The following SAMD5 variants were observed in gnomAD, a reference collection of about 807,000 sequenced individuals.
SAMD5 encodes sterile alpha motif domain-containing protein 5.
Under a neutral mutation model 11.3 loss-of-function variants are expected in SAMD5, and 13 were observed. The ratio of observed to expected loss-of-function variants is 1.15; its 90% CI spans 0.75 to 1.83. The LOEUF (loss-of-function observed/expected upper bound fraction) is 1.83. Among genes scored for constraint, SAMD5 ranks in the 40% most tolerant of loss-of-function variants. The pLI, the probability that SAMD5 is intolerant of heterozygous loss-of-function variation, is 0.00. For synonymous variants in SAMD5, 129 were observed against 111.3 expected, an observed-to-expected ratio of 1.16 and a Z score of -1.00; for missense variants, 255 against 239.1, an observed-to-expected ratio of 1.07 and a Z score of -0.44.
At chr6:147,722,646 A>G (rs943539575) in intron 1 of SAMD5, among the ~76,000 whole-genome samples, 3 of 152,220 alleles carry the variant, frequency 2.0e-5, no homozygotes, top group Non-Finnish European at 4.4e-5. Context: ...GTTATTGGCT[A>G]ATAGGCCTCT....
At chr6:147,803,526 C>T in the SAMD5 span, among the ~76,000 whole-genome samples, 2 of 152,134 alleles carry the variant, frequency 1.3e-5, no homozygotes, top group African/African-American at 4.8e-5. Flanking sequence ...TCCCACTGTC[C>T]ACATGCCCAT....
At chr6:147,580,559 G>T (rs747854347) in intron 1 of SAMD5, among the ~76,000 whole-genome samples, 6 of 152,216 alleles carry the variant, frequency 3.9e-5, no homozygotes, top group Non-Finnish European at 7.3e-5. Flanking sequence ...CACTGGGGTA[G>T]CCCCTAGCTA....
At chr6:147,624,020 C>T (rs966956269) in intron 1 of SAMD5, among the ~76,000 whole-genome samples, 22 of 152,108 alleles carry the variant, frequency 1.4e-4, no homozygotes, top group Non-Finnish European at 2.8e-4. Context: ...CAGGCGTGTG[C>T]CACCACGCCC....
the SAMD5 span, among the ~76,000 whole-genome samples, chr6:147,946,319 G>T: frequency 2.6e-5 from 4 of 152,192 alleles, no homozygotes; most frequent in Non-Finnish European, 5.9e-5. Flanking sequence ...AGGGACATGA[G>T]TGTTGTTTTT....
chr6:147,547,131 C>A lies in SAMD5; in HGVS notation c.460-17263C>A, dbSNP rs543044772. ...GCACATTCTGAAGGTGGGAAAGAGTCATTATTTAGCTGTTTAACAGAACAC... is the reference window on the plus strand; with the variant it reads ...GCACATTCTGAAGGTGGGAAAGAGTAATTATTTAGCTGTTTAACAGAACAC... On this transcript the variant is annotated intron_variant, in intron 1 of 1. Transcript: ENST00000367474. 3.9e-5 allele frequency among the ~76,000 whole-genome samples: 6 copies of A among 152,224 alleles called. No homozygotes were observed. In the South Asian group the frequency reaches 1.2e-3, roughly 32 times the overall value.
the SAMD5 span, among the ~76,000 whole-genome samples, chr6:147,806,753 G>A: frequency 4.6e-5 from 7 of 152,136 alleles, no homozygotes; most frequent in Middle Eastern, 3.2e-3. Context: ...GAGTGCTGTG[G>A]ATTGAATTAC....
chr6:147,897,848 G>A, the SAMD5 span, among the ~76,000 whole-genome samples: 1 of 150,730 alleles, frequency 6.6e-6, no homozygotes, highest in East Asian at 1.9e-4. Flanking sequence ...GGGAGGCTGA[G>A]GCAGGAGAAT....
At chr6:147,759,519 C>A in the SAMD5 span, among the ~76,000 whole-genome samples, 1 of 151,596 alleles carries the variant, frequency 6.6e-6, no homozygotes, top group South Asian at 2.1e-4. Context: ...AATTTGTTGT[C>A]CTTAGTGGTA....
At chr6:147,927,729 C>T in the SAMD5 span, among the ~76,000 whole-genome samples, 1 of 152,090 alleles carries the variant, frequency 6.6e-6, no homozygotes, top group African/African-American at 2.4e-5. Context: ...AGAGAGGGCA[C>T]CCTGGTCTTG....
chr6:147,807,319 G>A, the SAMD5 span, among the ~76,000 whole-genome samples: 1 of 152,056 alleles, frequency 6.6e-6, no homozygotes, highest in Non-Finnish European at 1.5e-5. Context: ...TAGCCAGGAT[G>A]GTCTCGATCT....
At chr6:147,589,239 G>A (rs1789419381) in intron 1 of SAMD5, among the ~76,000 whole-genome samples, 1 of 152,128 alleles carries the variant, frequency 6.6e-6, no homozygotes, top group African/African-American at 2.4e-5. Context: ...GATTACAGGT[G>A]TGAGCCACCA....
the SAMD5 span, among the ~76,000 whole-genome samples, chr6:147,767,789 T>G: frequency 6.6e-6 from 1 of 152,210 alleles, no homozygotes. Context: ...TGTGTGCTAA[T>G]GCATGAGGGG....
intron 1 of SAMD5, among the ~76,000 whole-genome samples, chr6:147,559,692 A>G (rs1223855689): frequency 2.0e-5 from 3 of 152,198 alleles, no homozygotes; most frequent in African/African-American, 4.8e-5. Flanking sequence ...AGTTGCCTCT[A>G]AAGTAAAAAA....
At chr6:147,668,858 C>T (rs1264289118) in intron 1 of SAMD5, among the ~76,000 whole-genome samples, 1 of 152,104 alleles carries the variant, frequency 6.6e-6, no homozygotes, top group Non-Finnish European at 1.5e-5. Flanking sequence ...AAAGTTATAT[C>T]TATACTAGAC....
the SAMD5 span, among the ~76,000 whole-genome samples, chr6:147,800,953 A>G: frequency 6.6e-6 from 1 of 152,168 alleles, no homozygotes; most frequent in Non-Finnish European, 1.5e-5. Context: ...ATAAAAATAC[A>G]TATACCTATA....
chr6:147,584,081 T>A (rs940759189), intron 1 of SAMD5, among the ~76,000 whole-genome samples: 1 of 152,152 alleles, frequency 6.6e-6, no homozygotes, highest in African/African-American at 2.4e-5. Context: ...TACTGGAAAG[T>A]CAAATGGCAG....
At chr6:147,805,163 T>C in the SAMD5 span, among the ~76,000 whole-genome samples, 2 of 152,372 alleles carry the variant, frequency 1.3e-5, no homozygotes, top group South Asian at 2.1e-4. Context: ...AGCCCAGTTA[T>C]ATGAGTCTAA....
At chr6:147,595,491 C>T (rs1267520916) in intron 1 of SAMD5, among the ~76,000 whole-genome samples, 1 of 151,672 alleles carries the variant, frequency 6.6e-6, no homozygotes, top group Non-Finnish European at 1.5e-5. Context: ...ATCCCCACCC[C>T]CTACTCCGTT....
At chr6:147,824,035 A>G in the SAMD5 span, among the ~76,000 whole-genome samples, 7 of 152,350 alleles carry the variant, frequency 4.6e-5, no homozygotes, top group South Asian at 1.4e-3. Flanking sequence ...GCCTCTCAGC[A>G]AAGCAGAGAT....
Sources: gnomAD v4.1 joint callset for allele counts (sites outside exome capture counted in the v4.1 genomes callset) on GRCh38, gnomAD v4.1.1 for gene constraint, MANE v1.5 for transcripts, NCBI Gene and HGNC (gene_info 2026-07-23, HGNC 2026-07-21) for gene names.